Variants in PDE4B observed in about 807,000 individuals in gnomAD.
The protein encoded by PDE4B is 3',5'-cyclic-AMP phosphodiesterase 4B.
Under a neutral mutation model 82.2 loss-of-function variants are expected in PDE4B, and 20 were observed. The observed-to-expected ratio is 0.24, with a 90% CI of 0.17 to 0.35. The LOEUF is 0.35. Among genes scored for constraint, PDE4B ranks in the 10% least tolerant of loss-of-function variants. The pLI is 1.00. For missense variants in PDE4B, 655 were observed against 907.2 expected (o/e 0.72, Z 3.57); for synonymous variants, 320 against 318.9 (o/e 1.00, Z -0.04).
chr1:66,105,680 G>T (rs975270328), intron 3 of PDE4B, among the ~76,000 whole-genome samples: 1 of 152,022 alleles, frequency 6.6e-6, no homozygotes, highest in South Asian at 2.1e-4. Context: ...GGATTCCTAG[G>T]TATTTTATTC....
intron 1 of PDE4B, among the ~76,000 whole-genome samples, chr1:65,862,275 T>C (rs1646463075): frequency 6.6e-6 from 1 of 152,242 alleles, no homozygotes; most frequent in South Asian, 2.1e-4. Context: ...TTGAATTTTA[T>C]TGCAGGCTTT....
intron 1 of PDE4B, among the ~76,000 whole-genome samples, chr1:65,834,313 G>T (rs1424440658): frequency 6.6e-6 from 1 of 152,142 alleles, no homozygotes; most frequent in Non-Finnish European, 1.5e-5. Context: ...CAAAGTGCTG[G>T]GATTACAGGC....
intron 6 of PDE4B, among the ~76,000 whole-genome samples, chr1:66,259,673 G>A (rs1414763303): frequency 6.6e-6 from 1 of 152,140 alleles, no homozygotes; most frequent in Admixed American, 6.5e-5. Context: ...TGCCCTTTAG[G>A]AGTAAGAATT....
At chr1:65,944,148 TG>T (rs375438174) in intron 3 of PDE4B, among the ~76,000 whole-genome samples, 2 of 152,140 alleles carry the variant, frequency 1.3e-5, no homozygotes, top group East Asian at 3.9e-4. Context: ...CTTTACAGTG[TG>T]GGGTACATTA....
intron 7 of PDE4B, among the ~76,000 whole-genome samples, chr1:66,304,346 T>A (rs1326702979): frequency 2.0e-5 from 3 of 152,138 alleles, no homozygotes; most frequent in Non-Finnish European, 4.4e-5. Flanking sequence ...TGGACCACCA[T>A]GTTTGCTACA....
At chr1:65,997,271 T>C (rs1029772033) in intron 3 of PDE4B, among the ~76,000 whole-genome samples, 4 of 151,804 alleles carry the variant, frequency 2.6e-5, no homozygotes, top group African/African-American at 4.8e-5. Context: ...TTTTTGTAAT[T>C]AGAAGTTAGT....
intron 3 of PDE4B, among the ~76,000 whole-genome samples, chr1:65,994,337 A>C (rs1651414703): frequency 6.6e-6 from 1 of 152,186 alleles, no homozygotes; most frequent in Non-Finnish European, 1.5e-5. Context: ...TTTGCCTGGC[A>C]TATATGATGT....
intron 3 of PDE4B, among the ~76,000 whole-genome samples, chr1:65,966,525 C>T (rs895899010): frequency 4.6e-5 from 7 of 152,048 alleles, no homozygotes; most frequent in Non-Finnish European, 8.8e-5. Flanking sequence ...AGTGACTTTC[C>T]TCACAGAATT....
chr1:66,129,697 CAAAAAAAA>C (rs66704627), intron 3 of PDE4B, among the ~76,000 whole-genome samples: 2 of 130,524 alleles, frequency 1.5e-5, no homozygotes, highest in African/African-American at 6.0e-5. Flanking sequence ...AACAAAAAAA[CAAAAAAAA>C]AAACCTCTCT....
intron 3 of PDE4B, among the ~76,000 whole-genome samples, chr1:66,124,726 T>G (rs1311601691): frequency 6.6e-6 from 1 of 151,114 alleles, no homozygotes; most frequent in East Asian, 1.9e-4. Flanking sequence ...TGTTTCCTCA[T>G]AACATCAATG....
chr1:66,169,325 G>T (rs1386579616), intron 3 of PDE4B, among the ~76,000 whole-genome samples: 3 of 152,148 alleles, frequency 2.0e-5, no homozygotes, highest in African/African-American at 4.8e-5. Context: ...CTGGGCCAGC[G>T]GTGAAAGTTT....
At chr1:66,146,662 T>C (rs905490577) in intron 3 of PDE4B, among the ~76,000 whole-genome samples, 1 of 152,140 alleles carries the variant, frequency 6.6e-6, no homozygotes, top group South Asian at 2.1e-4. Context: ...AGCTAAGATA[T>C]AGATATTTGA....
chr1:66,173,124 A>T (rs976339246), intron 3 of PDE4B, among the ~76,000 whole-genome samples: 1 of 152,204 alleles, frequency 6.6e-6, no homozygotes, highest in African/African-American at 2.4e-5. Flanking sequence ...CAGAATTTTG[A>T]TGGATAAGTA....
intron 7 of PDE4B, among the ~76,000 whole-genome samples, chr1:66,270,499 C>A (rs1023700649): frequency 5.3e-5 from 8 of 152,184 alleles, no homozygotes; most frequent in Admixed American, 5.2e-4. Flanking sequence ...TGATTCCGTT[C>A]TCATTCTTTG....
chr1:66,285,283 A>G (rs1266366312), intron 7 of PDE4B, among the ~76,000 whole-genome samples: 1 of 152,216 alleles, frequency 6.6e-6, no homozygotes, highest in African/African-American at 2.4e-5. Context: ...TAGTCTTTCA[A>G]TATATGTTCC....
chr1:65,932,643 T>C (rs187152256), intron 3 of PDE4B, among the ~76,000 whole-genome samples: 11 of 152,188 alleles, frequency 7.2e-5, no homozygotes, highest in African/African-American at 2.4e-4. Flanking sequence ...AAGAGAAATA[T>C]TTGATTTACC....
chr1:66,082,641 A>AATATATATATATATAT (rs67481716), intron 3 of PDE4B, among the ~76,000 whole-genome samples: 71 of 147,902 alleles, frequency 4.8e-4, no homozygotes, highest in African/African-American at 1.6e-3. Context: ...GGATTGAAAT[A>AATATATATATATATAT]ATATATATAT....
intron 8 of PDE4B, among the ~76,000 whole-genome samples, chr1:66,345,863 C>G (rs546438392): frequency 6.6e-6 from 1 of 152,290 alleles, no homozygotes; most frequent in Non-Finnish European, 1.5e-5. Flanking sequence ...TCTCTTTCAT[C>G]CAGAGTCAGA....
At chr1:66,354,705 T>C in intron 8 of PDE4B, 1 of 1,435,280 alleles carries the variant, frequency 7.0e-7, no homozygotes, top group Non-Finnish European at 9.1e-7. Context: ...GCCATACATT[T>C]TGGAGGTTTT....
Sources: gnomAD v4.1 joint callset for allele counts (sites outside exome capture counted in the v4.1 genomes callset) on GRCh38, gnomAD v4.1.1 for gene constraint, MANE v1.5 for transcripts, NCBI Gene and HGNC (gene_info 2026-07-23, HGNC 2026-07-21) for gene names.